The following ZNF385C variants were observed in gnomAD, a reference collection of about 807,000 sequenced individuals.
ZNF385C encodes zinc finger protein 385C, also known as CTD-2132N18.2.
ZNF385C carries 28 observed loss-of-function variants against 35.4 expected under a neutral mutation model. The observed-to-expected ratio is 0.79, with a 90% CI of 0.59 to 1.08. ZNF385C has a LOEUF of 1.08. Ranked by LOEUF, ZNF385C falls within the 50% of genes least tolerant of loss-of-function variation. The pLI is 0.00. For missense variants in ZNF385C, 605 were observed against 595.6 expected (o/e 1.02, Z -0.16); for synonymous variants, 248 against 248.2 (o/e 1.00, Z 0.01).
chr17:42,093,955 G>C (rs2053890189), intron 1 of ZNF385C, among the ~76,000 whole-genome samples: 1 of 150,286 alleles, frequency 6.7e-6, no homozygotes, highest in African/African-American at 2.4e-5. Flanking sequence ...GCCCAGAAGT[G>C]ATCGTGGCCC....
chr17:42,089,264 C>T (rs1244286652), intron 1 of ZNF385C, among the ~76,000 whole-genome samples: 3 of 151,908 alleles, frequency 2.0e-5, no homozygotes, highest in Non-Finnish European at 4.4e-5. Context: ...TGCAGTGAGC[C>T]GTGATCACAC....
intron 2 of ZNF385C, among the ~76,000 whole-genome samples, chr17:42,045,197 G>A (rs1358084029): frequency 1.3e-5 from 2 of 151,972 alleles, no homozygotes; most frequent in South Asian, 2.1e-4. Context: ...GATTACAGGC[G>A]TGAGCCACCG....
At position 42,028,956 on chromosome 17, in the gene ZNF385C, G is replaced by C; in HGVS notation, c.794C>G (p.Ser265Cys). 3.2e-6 allele frequency: 5 copies of C among 1,550,626 alleles called. No homozygotes were observed. The highest frequency in any genetic ancestry group is 3.5e-6 in the Non-Finnish European group (4 of 1,147,014). ...AGGCTCTGGGGAGCAAGGTGGGCAGGAGGAAGAAGAGGATGAGGAGGCAGC... is the reference window on the plus strand; with the variant it reads ...AGGCTCTGGGGAGCAAGGTGGGCAGCAGGAAGAAGAGGATGAGGAGGCAGC... ...LDAASSSSSS[S>C]CPPCSPEPGR... Residue 265 changes from serine to cysteine, a missense_variant, in exon 6 of 9, where the codon TCC (serine) becomes TGC (cysteine). By Grantham distance (112) the Ser-to-Cys change is moderately radical (BLOSUM62 -1). Transcript: ENST00000692273.
chr17:42,039,890 C>T, intron 2 of ZNF385C: 1 of 1,231,494 alleles, frequency 8.1e-7, no homozygotes, highest in Non-Finnish European at 1.0e-6. Flanking sequence ...CCGACCTTGT[C>T]CAGCAGGCCA....
At chr17:42,039,827 C>T (rs1233696105) in intron 2 of ZNF385C, 34 of 1,231,960 alleles carry the variant, frequency 2.8e-5, no homozygotes, top group Non-Finnish European at 2.9e-5. Context: ...ATGTGGCCCC[C>T]CCGGCCTTCC....
chr17:42,031,744 C>T lies in ZNF385C; in HGVS notation c.551G>A (p.Arg184Lys). Residue 184 changes from arginine (R) to lysine (K), a missense_variant, in exon 5 of 9, where the codon AGA (arginine) becomes AAA (lysine). By Grantham distance (26) the Arg-to-Lys change is conservative (BLOSUM62 2). Transcript: ENST00000692273. ...EAHYKGHKHA[R>K]KLKAVEAAKS... The stretch of plus-strand genomic sequence containing the variant: ...GGCAGCCTCGACAGCCTTGAGTTTT[C>T]TGGCGTGTTTGTGGCCTTTATAATG... The T allele has an allele frequency of 1.3e-6, 2 of 1,550,910 alleles. No individual in the cohort carries two copies. Among genetic ancestry groups the T allele is most frequent in the Non-Finnish European group, 1.7e-6 (2 of 1,147,082 alleles).
intron 2 of ZNF385C, chr17:42,040,680 T>C: frequency 8.1e-7 from 1 of 1,232,238 alleles, no homozygotes; most frequent in Non-Finnish European, 1.0e-6. Flanking sequence ...CCCAGGGCAC[T>C]GGCCGAGGCC....
chr17:42,032,424 G>C (rs2052752029), intron 4 of ZNF385C, among the ~76,000 whole-genome samples: 1 of 152,130 alleles, frequency 6.6e-6, no homozygotes, highest in Non-Finnish European at 1.5e-5. Context: ...TAAACCCTGT[G>C]ATGATAATAC....
In ZNF385C at chr17:42,025,980, A is replaced by G. The variant is rs1160704132; in HGVS notation, c.*917T>C. Reference sequence around the variant, plus strand: ...GGGGGGTTCGGTGTTAGCTGAGTCCATAGTCTGAGGGAGACCCACACCCGC... The same window carrying G: ...GGGGGGTTCGGTGTTAGCTGAGTCCGTAGTCTGAGGGAGACCCACACCCGC... On this transcript the variant is annotated 3_prime_UTR_variant, in exon 9 of 9. Transcript: ENST00000692273. The G allele has an allele frequency of 2.0e-5, 3 of 152,160 alleles. No individual in the cohort carries two copies. Among genetic ancestry groups the G allele is most frequent in the African/African-American group, 7.2e-5 (3 of 41,402 alleles). 9.4% of individuals were successfully genotyped at this position (152,160 alleles called of 1,614,324 possible). A position where few individuals can be genotyped will look rare whatever the true frequency, so the allele number is the denominator to read the frequency against.
At chr17:42,056,834 T>C (rs2053383552) in intron 2 of ZNF385C, among the ~76,000 whole-genome samples, 4 of 152,208 alleles carry the variant, frequency 2.6e-5, no homozygotes, top group Middle Eastern at 3.2e-3. Context: ...CCTTCCGTCA[T>C]GACTGTGAGG....
At chr17:42,075,904 T>C (rs1555659233) in intron 1 of ZNF385C, among the ~76,000 whole-genome samples, 2 of 152,118 alleles carry the variant, frequency 1.3e-5, no homozygotes, top group Non-Finnish European at 2.9e-5. Flanking sequence ...CATCCCTCAG[T>C]TTTTCTTCAG....
rs1555654644 is a variant in ZNF385C, at chr17:42,028,849, G to A, written c.901C>T (p.His301Tyr). The change falls in exon 6 of 9, where the codon CAC becomes TAC. Residue 301 changes from histidine (H) to tyrosine (Y), a missense_variant. Coordinates refer to ENST00000692273, the MANE Select transcript of ZNF385C (RefSeq NM_001392013.1). ...ACCTTACACGTGGGGCAGTAGAGGT[G>A]CCCCTTCTCACTCCTGCCTTCCCCA... is the stretch of plus-strand genomic sequence containing the variant. ...MSGEGRSEKGHLYCPTCKVTV... is the reference protein window; with the variant it reads ...MSGEGRSEKGYLYCPTCKVTV... 3.2e-6 allele frequency: 5 copies of A among 1,550,472 alleles called. No homozygotes were observed. The highest frequency in any genetic ancestry group is 3.5e-6 in the Non-Finnish European group (4 of 1,146,992).
intron 7 of ZNF385C, 40 bp from the exon 8 acceptor site, chr17:42,027,768 G>T: frequency 6.3e-7 from 1 of 1,592,108 alleles, no homozygotes; most frequent in Non-Finnish European, 8.6e-7. Flanking sequence ...AGATGACAAA[G>T]CCCAAGGACC....
At chr17:42,065,928 G>A (rs2053540700) in intron 1 of ZNF385C, among the ~76,000 whole-genome samples, 1 of 152,098 alleles carries the variant, frequency 6.6e-6, no homozygotes, top group East Asian at 1.9e-4. Flanking sequence ...CTATACCTCT[G>A]TAGAATGGGA....
At chr17:42,027,260 C>T in intron 8 of ZNF385C, 127 bp from the exon 9 acceptor site, 2 of 820,828 alleles carry the variant, frequency 2.4e-6, no homozygotes, top group Non-Finnish European at 4.0e-6. Context: ...CCTAAATCCT[C>T]CTCCCTTCCC....
chr17:42,032,184 CGGGGTAGCT>C (rs1236191579), intron 4 of ZNF385C, among the ~76,000 whole-genome samples: 1 of 152,146 alleles, frequency 6.6e-6, no homozygotes, highest in Non-Finnish European at 1.5e-5. Context: ...CCTCAGCCTC[CGGGGTAGCT>C]GGGACTACAG....
intron 2 of ZNF385C, chr17:42,042,779 G>A (rs1280694363): frequency 8.3e-7 from 1 of 1,205,920 alleles, no homozygotes; most frequent in East Asian, 3.2e-5. Flanking sequence ...GTTCCCAGGT[G>A]GCTCAGTGTC....
intron 2 of ZNF385C, among the ~76,000 whole-genome samples, chr17:42,045,130 G>A (rs1457200263): frequency 3.9e-5 from 6 of 152,158 alleles, no homozygotes; most frequent in Non-Finnish European, 5.9e-5. Flanking sequence ...TGTTAGCCAC[G>A]ATGGTCTCGA....
In ZNF385C at chr17:42,039,771, G is replaced by T. The variant is rs547258314; in HGVS notation, c.251-1886C>A. 8 of 1,232,390 alleles carry T rather than the reference G, an allele frequency of 6.5e-6. No individual in the cohort carries two copies. In the Admixed American group the frequency reaches 2.9e-4, roughly 45 times the overall value. 76.3% of individuals were successfully genotyped at this position (1,232,390 alleles called of 1,614,324 possible). A position where few individuals can be genotyped will look rare whatever the true frequency, so the allele number is the denominator to read the frequency against. On this transcript the variant is annotated intron_variant, in intron 2 of 8. Transcript: ENST00000692273. ...TCTCTAAGAACTCCACAGCCAACCCGAAGTCAAACTCGTGCAGCGGGGGCC... is the reference window on the plus strand; with the variant it reads ...TCTCTAAGAACTCCACAGCCAACCCTAAGTCAAACTCGTGCAGCGGGGGCC...
Sources: allele counts gnomAD v4.1 joint callset (sites outside exome capture counted in the v4.1 genomes callset), GRCh38; gene constraint gnomAD v4.1.1; transcripts MANE v1.5; gene names NCBI Gene and HGNC (gene_info 2026-07-23, HGNC 2026-07-21).